The following C1orf21 variants were observed in gnomAD, a reference collection of about 807,000 sequenced individuals.
C1orf21 encodes the protein uncharacterized protein C1orf21.
Under a neutral mutation model 18.7 loss-of-function variants are expected in C1orf21, and 3 were observed. The observed-to-expected ratio is 0.16, with a 90% CI of 0.07 to 0.42. The LOEUF (loss-of-function observed/expected upper bound fraction) is 0.42, where lower values mean the gene tolerates loss of function less well. Among genes scored for constraint, C1orf21 ranks in the 10% least tolerant of loss-of-function variants. The pLI, the probability that C1orf21 is intolerant of heterozygous loss-of-function variation, is 0.99. For synonymous variants in C1orf21, 41 were observed against 46.4 expected, an observed-to-expected ratio of 0.88 and a Z score of 0.47; for missense variants, 104 against 143.6, an observed-to-expected ratio of 0.72 and a Z score of 1.41.
At chr1:184,581,564 A>G (rs1036113672) in intron 3 of C1orf21, among the ~76,000 whole-genome samples, 1 of 152,190 alleles carries the variant, frequency 6.6e-6, no homozygotes, top group African/African-American at 2.4e-5. Context: ...GTGTGTGTAT[A>G]TAATACTTAT....
chr1:184,593,294 TAC>T (rs1659467081), intron 4 of C1orf21, among the ~76,000 whole-genome samples: 2 of 151,400 alleles, frequency 1.3e-5, no homozygotes, highest in South Asian at 2.1e-4. Flanking sequence ...TGTGTGTGTG[TAC>T]ACACACATGT....
chr1:184,551,524 T>C (rs779723528), intron 3 of C1orf21, among the ~76,000 whole-genome samples: 1 of 152,230 alleles, frequency 6.6e-6, no homozygotes, highest in Non-Finnish European at 1.5e-5. Context: ...GGCTAGATTC[T>C]GGAAGGACCA....
chr1:184,397,203 C>T (rs1656064258), intron 1 of C1orf21, among the ~76,000 whole-genome samples: 1 of 152,160 alleles, frequency 6.6e-6, no homozygotes, highest in Non-Finnish European at 1.5e-5. Context: ...TAAAACAAAT[C>T]TAAAGACATT....
intron 3 of C1orf21, among the ~76,000 whole-genome samples, chr1:184,590,515 A>G (rs1162852596): frequency 6.6e-6 from 1 of 152,210 alleles, no homozygotes; most frequent in Non-Finnish European, 1.5e-5. Context: ...AAACAGAGTC[A>G]TAGTTGTTAT....
chr1:184,477,862 A>C (rs1475612389), intron 2 of C1orf21, among the ~76,000 whole-genome samples: 3 of 152,082 alleles, frequency 2.0e-5, no homozygotes, highest in Non-Finnish European at 1.5e-5. Context: ...TAGTCACCCT[A>C]CTCTGTTATG....
intron 3 of C1orf21, chr1:184,568,602 C>T (rs1049944277): frequency 3.2e-6 from 1 of 310,198 alleles, no homozygotes; most frequent in Non-Finnish European, 6.4e-6. Flanking sequence ...GCTCTTTTTC[C>T]TCCTTGAAGT....
chr1:184,430,768 C>G (rs1374119966), intron 1 of C1orf21, among the ~76,000 whole-genome samples: 2 of 152,150 alleles, frequency 1.3e-5, no homozygotes, highest in African/African-American at 4.8e-5. Context: ...CTTTTAAGAT[C>G]TGGTGCCTCT....
chr1:184,516,508 A>G (rs1021894591), intron 3 of C1orf21, among the ~76,000 whole-genome samples: 1 of 152,186 alleles, frequency 6.6e-6, no homozygotes, highest in Non-Finnish European at 1.5e-5. Context: ...ATACTGGGCA[A>G]TTTACATAAG....
rs200752805 is a variant in C1orf21, at chr1:184,552,633, C to A, written c.190-38106C>A. On this transcript the variant is annotated intron_variant, in intron 3 of 5. Transcript: ENST00000235307. ...GTCATGGTGAAAAAAAGGGAATAAC[C>A]AAATTTCCCAGTATTACCCGGATGA... Among the ~76,000 whole-genome samples the A allele has an allele frequency of 5.8e-3, 880 of 152,168 alleles. 24 individuals carry two copies. In the East Asian group the frequency reaches 0.068, roughly 12 times the overall value.
chr1:184,472,102 C>T (rs1657505116), intron 1 of C1orf21, among the ~76,000 whole-genome samples: 1 of 151,964 alleles, frequency 6.6e-6, no homozygotes, highest in African/African-American at 2.4e-5. Flanking sequence ...TGAAGCCCAG[C>T]AGATGGGCAA....
At chr1:184,491,320 A>G (rs139598463) in intron 2 of C1orf21, among the ~76,000 whole-genome samples, 3 of 151,762 alleles carry the variant, frequency 2.0e-5, no homozygotes, top group East Asian at 3.9e-4. Flanking sequence ...TGCAGATATC[A>G]TTAGTGTGTG....
intron 3 of C1orf21, among the ~76,000 whole-genome samples, chr1:184,571,969 A>G (rs1334698774): frequency 2.0e-5 from 3 of 152,188 alleles, no homozygotes; most frequent in Non-Finnish European, 2.9e-5. Context: ...AATGATAACA[A>G]TTAATACAGA....
intron 4 of C1orf21, among the ~76,000 whole-genome samples, chr1:184,598,039 T>C (rs1659539636): frequency 6.6e-6 from 1 of 152,200 alleles, no homozygotes; most frequent in Admixed American, 6.5e-5. Context: ...CTTTTTTATT[T>C]TTTTCAATAC....
At position 184,598,470 on chromosome 1, in the gene C1orf21, T is replaced by A. The variant is rs756115643; in HGVS notation, c.327+9T>A. ...ATGAAAAAATTGAAAAGGTAAGAAG[T>A]GAAATAAATAACCTACATGTTTCAA... On this transcript the variant is annotated intron_variant, in intron 5 of 5. Transcript: ENST00000235307. 4 of 1,609,208 alleles carry A rather than the reference T, an allele frequency of 2.5e-6. No homozygotes were observed. Among genetic ancestry groups the A allele is most frequent in the Non-Finnish European group, 3.4e-6 (4 of 1,176,674 alleles).
chr1:184,465,843 A>G (rs1311526954), intron 1 of C1orf21, among the ~76,000 whole-genome samples: 1 of 152,100 alleles, frequency 6.6e-6, no homozygotes, highest in East Asian at 1.9e-4. Context: ...TATTCAGATA[A>G]AAACTTCAAA....
intron 1 of C1orf21, among the ~76,000 whole-genome samples, chr1:184,474,944 T>C (rs753198371): frequency 2.0e-5 from 3 of 152,168 alleles, no homozygotes; most frequent in South Asian, 2.1e-4. Context: ...GAGAAGGTGC[T>C]GGCTGGGAAT....
chr1:184,534,238 A>G lies in C1orf21; in HGVS notation c.189+26556A>G, dbSNP rs1003200903. 3.3e-5 allele frequency among the ~76,000 whole-genome samples: 5 copies of G among 152,174 alleles called. No individual in the cohort carries two copies. In the East Asian group the frequency reaches 9.6e-4, roughly 29 times the overall value. On this transcript the variant is annotated intron_variant, in intron 3 of 5. Coordinates refer to ENST00000235307, the MANE Select transcript of C1orf21 (RefSeq NM_030806.4). ...TGTGGGTATTTTCATCTCTGTTTAAATTTCTAAATTCTGTTTAAGCGAATT... is the reference window on the plus strand; with the variant it reads ...TGTGGGTATTTTCATCTCTGTTTAAGTTTCTAAATTCTGTTTAAGCGAATT...
intron 1 of C1orf21, among the ~76,000 whole-genome samples, chr1:184,469,276 A>G (rs765256417): frequency 6.6e-6 from 1 of 152,104 alleles, no homozygotes; most frequent in African/African-American, 2.4e-5. Context: ...AACAAAAAAA[A>G]CTATTCTCAT....
At chr1:184,519,522 T>C (rs1049635887) in intron 3 of C1orf21, among the ~76,000 whole-genome samples, 15 of 152,154 alleles carry the variant, frequency 9.9e-5, no homozygotes, top group African/African-American at 3.6e-4. Flanking sequence ...AGTGGCCCCA[T>C]TGAGACACCT....
Sources: allele counts gnomAD v4.1 joint callset (sites outside exome capture counted in the v4.1 genomes callset), GRCh38; gene constraint gnomAD v4.1.1; transcripts MANE v1.5; gene names NCBI Gene and HGNC (gene_info 2026-07-23, HGNC 2026-07-21).